The following LAGE3 variants were observed in gnomAD, a reference collection of about 807,000 sequenced individuals.
The protein encoded by LAGE3 is EKC/KEOPS complex subunit LAGE3.
Under a neutral mutation model 4.4 loss-of-function variants are expected in LAGE3, and 2 were observed. The observed-to-expected ratio is 0.46, with a 90% confidence interval of 0.19 to 1.44. LAGE3 has a LOEUF of 1.44. Ranked by LOEUF, LAGE3 falls within the 40% of genes most tolerant of loss-of-function variation. The pLI, the probability that LAGE3 is intolerant of heterozygous loss-of-function variation, is 0.26. For synonymous variants in LAGE3, 79 were observed against 60.0 expected (o/e 1.32, Z -1.47); for missense variants, 152 against 138.1 (o/e 1.10, Z -0.51).
At position 154,478,880 on chromosome X, in the gene LAGE3, A is replaced by C; in HGVS notation, c.36T>G (p.Ala12=). ...GGCCACCCCGGCCATCCCCGCCGTC[A>C]GCGCCTCCGCCTGCGTCTGCATCCG... ...RDADADAGGG[A]DGGDGRGGHS... Residue 12 remains alanine, a synonymous_variant, in exon 1 of 3, where the codon GCT becomes GCG. Transcript: ENST00000357360. The C allele has an allele frequency of 9.9e-7, 1 of 1,007,930 alleles. No homozygotes were observed. Among genetic ancestry groups the C allele is most frequent in the Non-Finnish European group, 1.3e-6 (1 of 798,926 alleles). 83.1% of individuals were successfully genotyped at this position (1,007,930 alleles called of 1,213,427 possible).
chrX:154,478,783 G>A lies in LAGE3; in HGVS notation c.133C>T (p.Pro45Ser). Reference sequence around the variant, plus strand: ...GCCGCAGACGCGGCGTCTCTGCCCGGACCTGGCGCGTGCGCTGGGGGAGCT... The same window carrying A: ...GCCGCAGACGCGGCGTCTCTGCCCGAACCTGGCGCGTGCGCTGGGGGAGCT... ...GGAPPAHAPG[P>S]GRDAASAARG... is the part of the protein sequence containing the mutation. The change falls in exon 1 of 3, where the codon CCG becomes TCG. Residue 45 changes from proline to serine, a missense_variant. By Grantham distance (74) the Pro-to-Ser change is moderately conservative. Transcript: ENST00000357360. The A allele has an allele frequency of 8.8e-7, 1 of 1,137,866 alleles. No individual in the cohort carries two copies. Among genetic ancestry groups the A allele is most frequent in the Non-Finnish European group, 1.2e-6 (1 of 866,724 alleles). The allele number at this position is 1,137,866 out of a possible 1,213,427, so 93.8% of individuals were successfully genotyped here.
Position 154,477,905 on chromosome X carries a change from A to G in LAGE3, c.*39T>C. The G allele has an allele frequency of 9.2e-7, 1 of 1,092,143 alleles. No homozygotes were observed. The allele number at this position is 1,092,143 out of a possible 1,213,427, so 90.0% of individuals were successfully genotyped here. On this transcript the variant is annotated 3_prime_UTR_variant, in exon 3 of 3. Coordinates refer to ENST00000357360, the MANE Select transcript of LAGE3 (RefSeq NM_006014.5). ...GGATGGACGCACTGCCTACAAGGAG[A>G]CGCAAAGTGGGACCTCGCTCCATTT...
Position 154,478,376 on chromosome X carries a change from G to A in LAGE3, c.224C>T (p.Ala75Val), listed in dbSNP as rs1557211331. The A allele has an allele frequency of 8.3e-7, 1 of 1,199,557 alleles. No homozygotes were observed. Among genetic ancestry groups the A allele is most frequent in the East Asian group, 3.0e-5 (1 of 33,742 alleles). Reference protein sequence around the residue: ...LSVPFPTPLEAEIAHGSLAPD... With the variant: ...LSVPFPTPLEVEIAHGSLAPD... ...TGCCAGGGACCCATGGGCGATTTCCGCCTCCAAGGGGGTCGGGAAAGGCAC... is the reference window on the plus strand; with the variant it reads ...TGCCAGGGACCCATGGGCGATTTCCACCTCCAAGGGGGTCGGGAAAGGCAC... Residue 75 changes from alanine (A) to valine (V), a missense_variant, in exon 2 of 3, where the codon GCG becomes GTG. Transcript: ENST00000357360.
chrX:154,478,028 G>A lies in LAGE3; in HGVS notation c.348C>T (p.Leu116=). 3.3e-6 allele frequency: 4 copies of A among 1,211,808 alleles called. No individual in the cohort carries two copies. Among genetic ancestry groups the A allele is most frequent in the Non-Finnish European group, 3.4e-6 (3 of 895,179 alleles). The stretch of plus-strand genomic sequence containing the variant: ...CAAGAAAGTTGATGACGGAAATTCG[G>A]AGCAGGCGACAGTCTTCAGCTTTCC... The part of the protein sequence containing the change: ...VRWKAEDCRL[L]RISVINFLDQ... Residue 116 remains leucine, a synonymous_variant, in exon 3 of 3, where the codon CTC becomes CTT. Transcript: ENST00000357360.
At position 154,478,817 on chromosome X, in the gene LAGE3, C is replaced by G. The variant is rs889919994; in HGVS notation, c.99G>C (p.Pro33=). ...CRGGVDTAAA[P]AGGAPPAHAP... ...CGTGCGCTGGGGGAGCTCCACCGGC[C>G]GGAGCTGCGGCTGTGTCCACGCCCC... Residue 33 remains proline, a synonymous_variant, in exon 1 of 3, where the codon CCG becomes CCC. Coordinates refer to ENST00000357360, the MANE Select transcript of LAGE3 (RefSeq NM_006014.5). 8.1e-6 allele frequency: 9 copies of G among 1,117,862 alleles called. No individual in the cohort carries two copies. The highest frequency in any genetic ancestry group is 1.1e-5 in the Non-Finnish European group (9 of 856,242). The allele number at this position is 1,117,862 out of a possible 1,213,427, so 92.1% of individuals were successfully genotyped here.
Position 154,478,772 on chromosome X carries a change from G to T in LAGE3, c.144C>A (p.Asp48Glu). The change falls in exon 1 of 3, where the codon GAC becomes GAA. Residue 48 changes from aspartate (D) to glutamate (E), a missense_variant. Coordinates refer to ENST00000357360, the MANE Select transcript of LAGE3 (RefSeq NM_006014.5). ...GTGACCCCCTGGCCGCAGACGCGGC[G>T]TCTCTGCCCGGACCTGGCGCGTGCG... The part of the protein sequence containing the change: ...PPAHAPGPGR[D>E]AASAARGSRM... The T allele has an allele frequency of 8.9e-7, 1 of 1,125,112 alleles. No homozygotes were observed. Among genetic ancestry groups the T allele is most frequent in the South Asian group, 2.1e-5 (1 of 46,671 alleles). 92.7% of individuals were successfully genotyped at this position (1,125,112 alleles called of 1,213,427 possible).
At chrX:154,478,458 G>A (rs2148261293) in intron 1 of LAGE3, 47 bp from the exon 2 acceptor site, 2 of 1,147,818 alleles carry the variant, frequency 1.7e-6, no homozygotes, top group Non-Finnish European at 2.3e-6. Flanking sequence ...TCTTGCCTAT[G>A]TCTCAGGCCT....
Position 154,478,038 on chromosome X carries a change from C to G in LAGE3, c.338G>C (p.Cys113Ser), listed in dbSNP as rs782260087. The G allele has an allele frequency of 8.3e-7, 1 of 1,210,612 alleles. No homozygotes were observed. ...ILVVRWKAED[C>S]RLLRISVINF... Reference sequence around the variant, plus strand: ...GATGACGGAAATTCGGAGCAGGCGACAGTCTTCAGCTTTCCAGCGGCTAAA... The same window carrying G: ...GATGACGGAAATTCGGAGCAGGCGAGAGTCTTCAGCTTTCCAGCGGCTAAA... The change falls in exon 3 of 3, where the codon TGT becomes TCT. Residue 113 changes from cysteine (C) to serine (S), a missense_variant. Coordinates refer to ENST00000357360, the MANE Select transcript of LAGE3 (RefSeq NM_006014.5).
chrX:154,478,016 G>A lies in LAGE3; in HGVS notation c.360C>T (p.Val120=). ...GGGAAAGCTGGTCAAGAAAGTTGAT[G>A]ACGGAAATTCGGAGCAGGCGACAGT... The part of the protein sequence containing the change: ...AEDCRLLRIS[V]INFLDQLSLV... The change falls in exon 3 of 3, where the codon GTC becomes GTT. Residue 120 remains valine (V), a synonymous_variant. Transcript: ENST00000357360. 2 of 1,212,171 alleles carry A rather than the reference G, an allele frequency of 1.6e-6. No individual in the cohort carries two copies. Among genetic ancestry groups the A allele is most frequent in the Non-Finnish European group, 2.2e-6 (2 of 895,424 alleles).
chrX:154,478,803 G>A lies in LAGE3; in HGVS notation c.113C>T (p.Pro38Leu), dbSNP rs1557211450. 8.8e-6 allele frequency: 10 copies of A among 1,134,008 alleles called. No individual in the cohort carries two copies. The highest frequency in any genetic ancestry group is 2.7e-5 in the Admixed American group (1 of 36,534). The allele number at this position is 1,134,008 out of a possible 1,213,427, so 93.5% of individuals were successfully genotyped here. Residue 38 changes from proline to leucine, a missense_variant, in exon 1 of 3, where the codon CCC becomes CTC. By Grantham distance (98) the Pro-to-Leu change is moderately conservative (BLOSUM62 -3). Transcript: ENST00000357360. The part of the protein sequence containing the change: ...DTAAAPAGGA[P>L]PAHAPGPGRD... ...GCCCGGACCTGGCGCGTGCGCTGGG[G>A]GAGCTCCACCGGCCGGAGCTGCGGC...
In LAGE3 at chrX:154,479,090, C is replaced by T. The variant is rs984107528; in HGVS notation, c.-175G>A. On this transcript the variant is annotated 5_prime_UTR_variant, in exon 1 of 3. Transcript: ENST00000357360. ...GTCAGTTCCCGCCAAGCGGCCCTGCCGGGGGCCTTCTGAGACCCGGTCAGC... is the reference window on the plus strand; with the variant it reads ...GTCAGTTCCCGCCAAGCGGCCCTGCTGGGGGCCTTCTGAGACCCGGTCAGC... 1.1e-4 allele frequency: 34 copies of T among 296,955 alleles called. No individual in the cohort carries two copies. Among genetic ancestry groups the T allele is most frequent in the South Asian group, 2.0e-4 (1 of 4,998 alleles). 24.5% of individuals were successfully genotyped at this position (296,955 alleles called of 1,213,427 possible).
chrX:154,478,470 C>T, intron 1 of LAGE3, 59 bp from the exon 2 acceptor site: 1 of 1,136,542 alleles, frequency 8.8e-7, no homozygotes, highest in East Asian at 3.0e-5. Context: ...CTCAGGCCTT[C>T]TTGCTCCTCT....
intron 2 of LAGE3, 96 bp downstream of exon 2, chrX:154,478,187 G>C: frequency 8.8e-7 from 1 of 1,139,355 alleles, no homozygotes; most frequent in Non-Finnish European, 1.2e-6. Flanking sequence ...GGCAGAGACC[G>C]GCCCAGCGCA....
chrX:154,478,434 GC>G (rs782229180), intron 1 of LAGE3, 23 bp from the exon 2 acceptor site: 25 of 1,169,095 alleles, frequency 2.1e-5, no homozygotes, highest in Non-Finnish European at 2.9e-5. Context: ...CGGTTAAGGT[GC>G]CATCTGATAC....
rs1557211519 is a variant in LAGE3, at chrX:154,478,952, C to T, written c.-37G>A. 1 of 750,393 alleles carries T rather than the reference C, an allele frequency of 1.3e-6. No homozygotes were observed. Among genetic ancestry groups the T allele is most frequent in the Non-Finnish European group, 1.8e-6 (1 of 571,313 alleles). The allele number at this position is 750,393 out of a possible 1,213,427, so 61.8% of individuals were successfully genotyped here. On this transcript the variant is annotated 5_prime_UTR_variant, in exon 1 of 3. Coordinates refer to ENST00000357360, the MANE Select transcript of LAGE3 (RefSeq NM_006014.5). ...CGCCGCTCCGACTCCACCCCCGAAGCGCAGGTCCTACGCCCCGCCCTCTCT... is the reference window on the plus strand; with the variant it reads ...CGCCGCTCCGACTCCACCCCCGAAGTGCAGGTCCTACGCCCCGCCCTCTCT...
chrX:154,478,209 T>G lies in LAGE3; in HGVS notation c.317+74A>C, dbSNP rs2069250450. ...ACCGGCCCAGCGCACCTGGCGCTCC[T>G]TAGGGCTCATCCTTGGATGTCCCCC... On this transcript the variant is annotated intron_variant, in intron 2 of 2. Transcript: ENST00000357360. 1.2e-5 allele frequency: 14 copies of G among 1,174,368 alleles called. No homozygotes were observed. In the South Asian group the frequency reaches 2.2e-4, roughly 19 times the overall value.
rs2069251367 is a variant in LAGE3 at position 154,478,342 on chromosome X, G to C, written c.258C>G (p.Ala86=). Residue 86 remains alanine, a synonymous_variant, in exon 2 of 3, where the codon GCC becomes GCG. Transcript: ENST00000357360. ...EIAHGSLAPD[A]EPHQRVVGKD... ...TCCCAACCACCCTTTGGTGGGGCTC[G>C]GCATCTGGTGCCAGGGACCCATGGG... is the stretch of plus-strand genomic sequence containing the variant. 3.3e-6 allele frequency: 4 copies of C among 1,206,456 alleles called. No individual in the cohort carries two copies. Among genetic ancestry groups the C allele is most frequent in the Non-Finnish European group, 4.5e-6 (4 of 893,411 alleles).
intron 1 of LAGE3, 106 bp downstream of exon 1, chrX:154,478,622 T>TG: frequency 9.2e-6 from 4 of 435,551 alleles, no homozygotes; most frequent in African/African-American, 3.1e-5. Flanking sequence ...CCAGCCCCGG[T>TG]CCCCCCCTGC....
intron 1 of LAGE3, 124 bp from the exon 2 acceptor site, chrX:154,478,535 G>A: frequency 1.0e-6 from 1 of 991,477 alleles, no homozygotes; most frequent in Admixed American, 3.7e-5. Flanking sequence ...TCCTTACCTC[G>A]CCCAGGCCAC....
Sources: allele counts gnomAD v4.1 joint callset, GRCh38; gene constraint gnomAD v4.1.1; transcripts MANE v1.5; gene names NCBI Gene and HGNC (gene_info 2026-07-23, HGNC 2026-07-21).